SNTB1: variants seen among roughly 807,000 people sequenced by gnomAD.
SNTB1 encodes syntrophin beta 1, also known as beta-1-syntrophin.
In SNTB1, 36 loss-of-function variants were observed where a neutral mutation model predicts 48.9. The ratio of observed to expected loss-of-function variants is 0.74; its 90% CI spans 0.56 to 0.97. SNTB1 has a LOEUF of 0.97. Ranked by LOEUF, SNTB1 falls within the 50% of genes least tolerant of loss-of-function variation. The pLI, the probability that SNTB1 is intolerant of heterozygous loss-of-function variation, is 0.00. For synonymous variants in SNTB1, 299 were observed against 294.6 expected (o/e 1.01, Z -0.15); for missense variants, 786 against 703.4 (o/e 1.12, Z -1.33).
intron 1 of SNTB1, among the ~76,000 whole-genome samples, chr8:120,751,773 T>C (rs937861161): frequency 5.3e-5 from 8 of 152,070 alleles, no homozygotes; most frequent in Non-Finnish European, 7.4e-5. Context: ...AACAATAGTA[T>C]GAGGTTTAAA....
chr8:120,537,661 G>A lies in SNTB1; in HGVS notation c.*1216C>T, dbSNP rs1195843474. The A allele has an allele frequency of 1.3e-5, 2 of 152,186 alleles. No individual in the cohort carries two copies. The highest frequency in any genetic ancestry group is 4.8e-5 in the African/African-American group (2 of 41,446). The allele number at this position is 152,186 out of a possible 1,614,324, so 9.4% of individuals were successfully genotyped here. ...CTCATTTTCAAGGTTTGAGAAAAGT[G>A]ACTTCAAAATCAATAGGTGTTATTT... On this transcript the variant is annotated 3_prime_UTR_variant, in exon 7 of 7. Transcript: ENST00000517992.
chr8:120,649,691 C>T (rs1563841690), intron 2 of SNTB1, among the ~76,000 whole-genome samples: 1 of 151,740 alleles, frequency 6.6e-6, no homozygotes, highest in Non-Finnish European at 1.5e-5. Flanking sequence ...GTGGTGGGCT[C>T]CACCCAGTTC....
chr8:120,712,140 G>A (rs957665972), intron 1 of SNTB1, among the ~76,000 whole-genome samples: 3 of 152,250 alleles, frequency 2.0e-5, no homozygotes, highest in African/African-American at 2.4e-5. Context: ...CAGGCCCGGC[G>A]TGGTGGCTCA....
At chr8:120,702,130 G>C (rs988884463) in intron 1 of SNTB1, among the ~76,000 whole-genome samples, 9 of 152,176 alleles carry the variant, frequency 5.9e-5, no homozygotes, top group Admixed American at 5.9e-4. Context: ...GGAGGGCCCT[G>C]AGTATTGGAA....
intron 2 of SNTB1, among the ~76,000 whole-genome samples, chr8:120,690,041 A>G (rs1371037156): frequency 6.6e-6 from 1 of 151,578 alleles, no homozygotes; most frequent in Non-Finnish European, 1.5e-5. Context: ...TCCACTTTCC[A>G]TGGTTTCAGT....
At chr8:120,662,936 G>A (rs915766432) in intron 2 of SNTB1, among the ~76,000 whole-genome samples, 1 of 144,780 alleles carries the variant, frequency 6.9e-6, no homozygotes, top group African/African-American at 2.5e-5. Context: ...AGGTACTGGA[G>A]ATACTGAGGC....
At chr8:120,647,099 A>G (rs1417456640) in intron 2 of SNTB1, among the ~76,000 whole-genome samples, 1 of 137,548 alleles carries the variant, frequency 7.3e-6, no homozygotes, top group Non-Finnish European at 1.6e-5. Flanking sequence ...AATTTTGTTG[A>G]TCCTTTCAAA....
chr8:120,554,206 C>A (rs1815527100), intron 4 of SNTB1, among the ~76,000 whole-genome samples: 1 of 152,056 alleles, frequency 6.6e-6, no homozygotes, highest in Non-Finnish European at 1.5e-5. Flanking sequence ...AAGATGTTCC[C>A]GTTCGGTGAC....
chr8:120,774,097 C>T (rs1188246706), intron 1 of SNTB1, among the ~76,000 whole-genome samples: 2 of 152,208 alleles, frequency 1.3e-5, no homozygotes, highest in Non-Finnish European at 2.9e-5. Context: ...AGCCGATGTT[C>T]CTTCCAGTAA....
Position 120,806,062 on chromosome 8 carries a change from A to G in SNTB1, c.571+5211T>C, listed in dbSNP as rs369068421. On this transcript the variant is annotated intron_variant, in intron 1 of 6. Transcript: ENST00000517992. ...TTTTGCATGTGTTAGCTATTATTAC[A>G]TTCGAAAAAGAGTTTGCAAAAGGTT... 2.6e-5 allele frequency among the ~76,000 whole-genome samples: 4 copies of G among 152,346 alleles called. No individual in the cohort carries two copies. In the East Asian group the frequency reaches 5.8e-4, roughly 22 times the overall value.
intron 1 of SNTB1, among the ~76,000 whole-genome samples, chr8:120,705,132 A>G (rs943696972): frequency 6.6e-6 from 1 of 152,240 alleles, no homozygotes; most frequent in African/African-American, 2.4e-5. Flanking sequence ...GGAAATAATT[A>G]AACCATACAT....
chr8:120,564,101 T>C lies in SNTB1; in HGVS notation c.1136+10985A>G, dbSNP rs1441826782. Among the ~76,000 whole-genome samples the C allele has an allele frequency of 6.2e-5, 9 of 144,232 alleles. No homozygotes were observed. The East Asian group carries it at 1.9e-3, about 30-fold the overall frequency. The allele number at this position is 144,232 out of a possible 152,430, so 94.6% of individuals were successfully genotyped here. On this transcript the variant is annotated intron_variant, in intron 4 of 6. Coordinates refer to ENST00000517992, the MANE Select transcript of SNTB1 (RefSeq NM_021021.4). ...CCAACCTGGGCAATAAGAGCAAAAC[T>C]CTGTCTCAAACAAAAAAAAAAAAAA...
chr8:120,629,960 G>C (rs1816953682), intron 3 of SNTB1, among the ~76,000 whole-genome samples: 1 of 152,236 alleles, frequency 6.6e-6, no homozygotes, highest in African/African-American at 2.4e-5. Flanking sequence ...CAAAAGGCAT[G>C]AGACAAATTA....
chr8:120,588,515 C>T (rs145470250), intron 3 of SNTB1, among the ~76,000 whole-genome samples: 565 of 130,626 alleles, frequency 4.3e-3, no homozygotes, highest in Admixed American at 9.6e-3. Context: ...AAAACCTGCC[C>T]CAACTGGGAA....
At chr8:120,680,368 A>C (rs1424674381) in intron 2 of SNTB1, among the ~76,000 whole-genome samples, 4 of 152,248 alleles carry the variant, frequency 2.6e-5, no homozygotes, top group Non-Finnish European at 5.9e-5. Flanking sequence ...TGAAAAGTTG[A>C]AATTTAAGAA....
chr8:120,738,358 A>G (rs1424460326), intron 1 of SNTB1, among the ~76,000 whole-genome samples: 1 of 152,322 alleles, frequency 6.6e-6, no homozygotes, highest in East Asian at 1.9e-4. Context: ...AACACCCACT[A>G]AAGCTTCTAA....
chr8:120,733,932 C>T (rs1818894840), intron 1 of SNTB1, among the ~76,000 whole-genome samples: 1 of 152,078 alleles, frequency 6.6e-6, no homozygotes, highest in South Asian at 2.1e-4. Context: ...CTGTCTTGTT[C>T]AAGGCTAAAT....
At chr8:120,694,112 G>T (rs1270360711) in intron 1 of SNTB1, among the ~76,000 whole-genome samples, 1 of 152,130 alleles carries the variant, frequency 6.6e-6, no homozygotes, top group African/African-American at 2.4e-5. Context: ...CTTAGAACTT[G>T]CTGTTATGAT....
At chr8:120,542,514 C>T (rs751368950) in intron 5 of SNTB1, among the ~76,000 whole-genome samples, 2 of 152,118 alleles carry the variant, frequency 1.3e-5, no homozygotes, top group Non-Finnish European at 1.5e-5. Flanking sequence ...ATTAGCCAGA[C>T]ATGGTGGTGT....
Sources: gnomAD v4.1 joint callset for allele counts (sites outside exome capture counted in the v4.1 genomes callset) on GRCh38, gnomAD v4.1.1 for gene constraint, MANE v1.5 for transcripts, NCBI Gene and HGNC (gene_info 2026-07-23, HGNC 2026-07-21) for gene names.